The following PTPRA variants were observed in gnomAD, a reference collection of about 807,000 sequenced individuals.
PTPRA encodes receptor-type tyrosine-protein phosphatase alpha.
PTPRA carries 25 observed loss-of-function variants against 104.8 expected under a neutral mutation model. The ratio of observed to expected loss-of-function variants is 0.24; its 90% CI spans 0.17 to 0.33. The LOEUF is 0.33. Ranked by LOEUF, PTPRA falls within the 10% of genes least tolerant of loss-of-function variation. The pLI is 1.00. For synonymous variants in PTPRA, 323 were observed against 368.9 expected (o/e 0.88, Z 1.43); for missense variants, 765 against 1,015.3 (o/e 0.75, Z 3.35).
At chr20:2,916,471 C>T (rs1272913293) in intron 1 of PTPRA, among the ~76,000 whole-genome samples, 2 of 152,110 alleles carry the variant, frequency 1.3e-5, no homozygotes, top group African/African-American at 2.4e-5. Flanking sequence ...GCACTCTTTC[C>T]AAAAATTAGT....
chr20:3,034,039 G>A (rs1193279797), intron 20 of PTPRA, among the ~76,000 whole-genome samples: 1 of 152,132 alleles, frequency 6.6e-6, no homozygotes, highest in Non-Finnish European at 1.5e-5. Context: ...GGGAGGCTGA[G>A]GCAGGTGGAT....
chr20:2,925,603 C>T (rs975577820), intron 2 of PTPRA, among the ~76,000 whole-genome samples: 10 of 152,166 alleles, frequency 6.6e-5, no homozygotes, highest in Non-Finnish European at 2.9e-5. Context: ...CACTTGAGGT[C>T]AGGAGTTCAA....
intron 1 of PTPRA, among the ~76,000 whole-genome samples, chr20:2,904,795 A>G (rs939214954): frequency 6.6e-6 from 1 of 152,202 alleles, no homozygotes; most frequent in Non-Finnish European, 1.5e-5. Context: ...GAAAAAAGAA[A>G]GAAAAAAGGA....
chr20:2,882,312 G>C (rs1362053764), intron 1 of PTPRA, among the ~76,000 whole-genome samples: 1 of 130,384 alleles, frequency 7.7e-6, no homozygotes, highest in African/African-American at 3.1e-5. Flanking sequence ...TTTTTTTTGA[G>C]ACAGTTTTGT....
chr20:2,989,194 G>A lies in PTPRA; in HGVS notation c.738+720G>A, dbSNP rs1298149515. On this transcript the variant is annotated intron_variant, in intron 9 of 23. Transcript: ENST00000399903. ...TCACGCCTGTAATCCCAACACTTTG[G>A]GAGGCTGAGGCGGGCACATCACGAG... 5.9e-5 allele frequency among the ~76,000 whole-genome samples: 9 copies of A among 152,172 alleles called. No homozygotes were observed. In the East Asian group the frequency reaches 1.5e-3, roughly 26 times the overall value.
chr20:2,964,170 A>G, intron 3 of PTPRA, 102 bp from the exon 4 acceptor site: 1 of 942,154 alleles, frequency 1.1e-6, no homozygotes, highest in Non-Finnish European at 1.6e-6. Context: ...GTTTAGGCAC[A>G]CATTTTAATA....
At chr20:2,932,898 A>G (rs572866587) in intron 2 of PTPRA, among the ~76,000 whole-genome samples, 1 of 152,230 alleles carries the variant, frequency 6.6e-6, no homozygotes, top group East Asian at 1.9e-4. Context: ...TATAATTTTC[A>G]CTAACATCAT....
At chr20:2,944,758 T>G (rs2061062164) in intron 2 of PTPRA, among the ~76,000 whole-genome samples, 1 of 152,168 alleles carries the variant, frequency 6.6e-6, no homozygotes, top group Non-Finnish European at 1.5e-5. Context: ...TCCTTTCGAG[T>G]GCTTAAAAAA....
chr20:2,882,163 G>A (rs562763184), intron 1 of PTPRA, among the ~76,000 whole-genome samples: 1 of 152,178 alleles, frequency 6.6e-6, no homozygotes, highest in Non-Finnish European at 1.5e-5. Context: ...AAACATTGCT[G>A]AATATGTGAA....
chr20:2,912,488 G>A (rs2059758613), intron 1 of PTPRA, among the ~76,000 whole-genome samples: 1 of 152,096 alleles, frequency 6.6e-6, no homozygotes, highest in Non-Finnish European at 1.5e-5. Flanking sequence ...GCTGGGCATG[G>A]TGGCTCACGC....
intron 3 of PTPRA, among the ~76,000 whole-genome samples, chr20:2,961,339 T>C (rs2061748301): frequency 6.6e-6 from 1 of 152,234 alleles, no homozygotes; most frequent in African/African-American, 2.4e-5. Flanking sequence ...TCCATTTTCA[T>C]AGATGTGTAG....
At chr20:3,013,149 T>A (rs985623333) in intron 11 of PTPRA, among the ~76,000 whole-genome samples, 2 of 146,666 alleles carry the variant, frequency 1.4e-5, no homozygotes, top group African/African-American at 5.4e-5. Flanking sequence ...ATCTCCATTC[T>A]CACCCCCCGG....
chr20:2,987,918 G>T, intron 7 of PTPRA, 114 bp from the exon 8 acceptor site: 1 of 1,054,894 alleles, frequency 9.5e-7, no homozygotes, highest in Non-Finnish European at 1.5e-6. Context: ...AAAAAAGCCC[G>T]ATTATTTTTA....
In PTPRA at chr20:2,896,236, G is replaced by A. The variant is rs371202654; in HGVS notation, c.-129+22476G>A. 1.8e-4 allele frequency among the ~76,000 whole-genome samples: 28 copies of A among 152,108 alleles called. 1 individual carries two copies. The highest frequency in any genetic ancestry group is 1.1e-3 in the Admixed American group (17 of 15,266). On this transcript the variant is annotated intron_variant, in intron 1 of 23. Transcript: ENST00000399903. ...CTAAAAATACAAAAAAAATTTAGCC[G>A]GGCATGGTGGTGGGTGCCTGTAATC...
chr20:2,937,129 T>TC (rs952799520), intron 2 of PTPRA, among the ~76,000 whole-genome samples: 4 of 146,954 alleles, frequency 2.7e-5, no homozygotes, highest in African/African-American at 9.9e-5. Context: ...TTCTTCTTCT[T>TC]TTTTTTTTTT....
At chr20:2,955,688 C>G in intron 3 of PTPRA, 1 of 983,578 alleles carries the variant, frequency 1.0e-6, no homozygotes, top group Non-Finnish European at 1.2e-6. Flanking sequence ...CTACTCCACC[C>G]TCCCCTGGTG....
intron 9 of PTPRA, among the ~76,000 whole-genome samples, chr20:2,998,473 A>T (rs2063492514): frequency 6.6e-6 from 1 of 152,202 alleles, no homozygotes; most frequent in African/African-American, 2.4e-5. Flanking sequence ...AGGAACTGTG[A>T]CAAGGGCTTT....
intron 2 of PTPRA, among the ~76,000 whole-genome samples, chr20:2,946,461 A>G (rs1386482101): frequency 6.6e-6 from 1 of 152,208 alleles, no homozygotes; most frequent in African/African-American, 2.4e-5. Context: ...AAGAGAGCAC[A>G]TGAGGAGAGA....
intron 1 of PTPRA, among the ~76,000 whole-genome samples, chr20:2,918,068 A>G (rs1301064681): frequency 1.4e-5 from 2 of 137,946 alleles, no homozygotes; most frequent in Admixed American, 1.5e-4. Context: ...AGCCTGGGCG[A>G]TAGAGTGAGA....
Sources: gnomAD v4.1 joint callset for allele counts (sites outside exome capture counted in the v4.1 genomes callset) on GRCh38, gnomAD v4.1.1 for gene constraint, MANE v1.5 for transcripts, NCBI Gene and HGNC (gene_info 2026-07-23, HGNC 2026-07-21) for gene names.